Variants in ELP3 observed in about 807,000 individuals in gnomAD.
ELP3 encodes the protein elongator complex protein 3.
Under a neutral mutation model 74.9 loss-of-function variants are expected in ELP3, and 56 were observed. That is an observed-to-expected ratio of 0.75 (90% CI 0.60 to 0.93). The LOEUF is 0.93. ELP3 is among the 40% of genes least tolerant of loss of function. The pLI is 0.00. For missense variants in ELP3, 573 were observed against 686.5 expected, an observed-to-expected ratio of 0.83 and a Z score of 1.85; for synonymous variants, 222 against 239.8, an observed-to-expected ratio of 0.93 and a Z score of 0.68.
At chr8:28,097,688 A>G (rs1426662479) in intron 2 of ELP3, among the ~76,000 whole-genome samples, 1 of 151,898 alleles carries the variant, frequency 6.6e-6, no homozygotes, top group Non-Finnish European at 1.5e-5. Context: ...GAGTCACCGC[A>G]CCCGGCCGTC....
intron 10 of ELP3, among the ~76,000 whole-genome samples, chr8:28,150,878 G>A (rs961595449): frequency 5.3e-5 from 8 of 152,086 alleles, no homozygotes; most frequent in African/African-American, 1.9e-4. Flanking sequence ...TAGAGACAGG[G>A]TCTCACTCTT....
At chr8:28,141,165 G>A (rs147390025) in intron 10 of ELP3, among the ~76,000 whole-genome samples, 210 of 152,308 alleles carry the variant, frequency 1.4e-3, no homozygotes, top group African/African-American at 4.8e-3. Flanking sequence ...CAGAGTGAAA[G>A]AGAATAACCT....
chr8:28,122,953 G>A (rs765652438), intron 7 of ELP3, among the ~76,000 whole-genome samples: 6 of 152,236 alleles, frequency 3.9e-5, no homozygotes, highest in Admixed American at 2.0e-4. Context: ...GCAAAACCCC[G>A]TCTCTACTAA....
At position 28,105,246 on chromosome 8, in the gene ELP3, C is replaced by T. The variant is rs184128314; in HGVS notation, c.259-1467C>T. ...AAAAAAAAAAATACAAAAAATTAGC[C>T]AGGCATGGTGGCACATGCCTGTAAT... On this transcript the variant is annotated intron_variant, in intron 3 of 14. Transcript: ENST00000256398. Among the ~76,000 whole-genome samples the T allele has an allele frequency of 3.3e-3, 502 of 152,102 alleles. 1 individual carries two copies. The highest frequency in any genetic ancestry group is 4.1e-3 in the Non-Finnish European group (281 of 67,984).
rs182908622 is a variant in ELP3 at position 28,174,831 on chromosome 8, G to A, written c.1567+12753G>A. 3.0e-4 allele frequency among the ~76,000 whole-genome samples: 45 copies of A among 152,218 alleles called. 1 individual carries two copies. Among genetic ancestry groups the A allele is most frequent in the East Asian group, 2.5e-3 (13 of 5,180 alleles). Reference sequence around the variant, plus strand: ...CATTTCTTATAGGGCAGGTTTAGTAGTAATAAGCTTCTTTAGCTTTTCTTA... The same window carrying A: ...CATTTCTTATAGGGCAGGTTTAGTAATAATAAGCTTCTTTAGCTTTTCTTA... On this transcript the variant is annotated intron_variant, in intron 14 of 14. Transcript: ENST00000256398.
intron 13 of ELP3, 57 bp from the exon 14 acceptor site, chr8:28,161,940 C>G: frequency 6.4e-7 from 1 of 1,551,466 alleles, no homozygotes; most frequent in Non-Finnish European, 8.9e-7. Context: ...TTTATGGACC[C>G]CTCTTAATGA....
chr8:28,113,092 A>G lies in ELP3; in HGVS notation c.536A>G (p.Glu179Gly). ...GGTGGAACGTTTATGGCCCTTCCAG[A>G]AGAATACAGAGATTATTTTATTCGA... ...VMGGTFMALP[E>G]EYRDYFIRNL... The change falls in exon 7 of 15, where the codon GAA (glutamate) becomes GGA (glycine). Residue 179 changes from glutamate (E) to glycine (G), a missense_variant. Coordinates refer to ENST00000256398, the MANE Select transcript of ELP3 (RefSeq NM_018091.6). 1 of 1,613,964 alleles carries G rather than the reference A, an allele frequency of 6.2e-7. No individual in the cohort carries two copies. The highest frequency in any genetic ancestry group is 8.5e-7 in the Non-Finnish European group (1 of 1,179,914).
chr8:28,135,257 G>A (rs1011826860), intron 9 of ELP3, among the ~76,000 whole-genome samples: 15 of 152,204 alleles, frequency 9.9e-5, no homozygotes, highest in African/African-American at 3.6e-4. Flanking sequence ...TTTAAGAGTA[G>A]GGGTTTGAAA....
upstream of ELP3, chr8:28,090,411 T>C (rs150513963): frequency 8.3e-3 from 2,724 of 328,110 alleles, 29 homozygotes; most frequent in Non-Finnish European, 0.01. Context: ...CTGGTGAGTG[T>C]AGTGTCCAAG....
At chr8:28,110,492 A>G (rs1811875348) in intron 6 of ELP3, 54 bp downstream of exon 6, 3 of 1,393,082 alleles carry the variant, frequency 2.2e-6, no homozygotes, top group Non-Finnish European at 3.0e-6. Flanking sequence ...ACTTAGTAAG[A>G]AGCCATTGTT....
Position 28,163,562 on chromosome 8 carries a change from TA to T in ELP3, c.1567+1485del, listed in dbSNP as rs201517181. 3.8e-3 allele frequency among the ~76,000 whole-genome samples: 577 copies of T among 151,994 alleles called. 1 individual carries two copies. The highest frequency in any genetic ancestry group is 0.017 in the Middle Eastern group (5 of 292). ...TTTCACATGTCTAGCTTTATTTATT[TA>T]TTTTTTTTTCTGTTATCTTTCATCG... On this transcript the variant is annotated intron_variant, in intron 14 of 14. Transcript: ENST00000256398.
chr8:28,115,598 T>G (rs1157778302), intron 7 of ELP3, among the ~76,000 whole-genome samples: 1 of 152,200 alleles, frequency 6.6e-6, no homozygotes, highest in Non-Finnish European at 1.5e-5. Context: ...AGTTAGCCTT[T>G]GAGTTAAGTG....
rs1491099723 is a variant in ELP3, at chr8:28,108,026, CTG to C, written c.393+52_393+53del. 2.0e-6 allele frequency: 3 copies of C among 1,500,964 alleles called. No homozygotes were observed. In the East Asian group the frequency reaches 6.8e-5, roughly 34 times the overall value. The allele number at this position is 1,500,964 out of a possible 1,614,324, so 93.0% of individuals were successfully genotyped here. ...GATGAAATGTTGCATCATGCTTTAC[CTG>C]TAGTATGGTTTTACCAGTACTGGCT... On this transcript the variant is annotated intron_variant, in intron 5 of 14. Transcript: ENST00000256398.
At chr8:28,162,132 A>T in intron 14 of ELP3, 54 bp downstream of exon 14, 1 of 1,566,538 alleles carries the variant, frequency 6.4e-7, no homozygotes. Context: ...ACTTGGCACC[A>T]CAGTGAAAAC....
chr8:28,136,657 A>G lies in ELP3; in HGVS notation c.907-1041A>G, dbSNP rs147793631. 4.1e-4 allele frequency among the ~76,000 whole-genome samples: 62 copies of G among 152,366 alleles called. 2 individuals carry two copies. In the East Asian group the frequency reaches 0.01, roughly 25 times the overall value. On this transcript the variant is annotated intron_variant, in intron 9 of 14. Coordinates refer to ENST00000256398, the MANE Select transcript of ELP3 (RefSeq NM_018091.6). ...ATGAGAGATGGAAAAGTCTATTGTT[A>G]TATTTCTTTGTAAAGCAAGTTAAAC...
intron 7 of ELP3, among the ~76,000 whole-genome samples, chr8:28,115,440 G>A (rs1329626311): frequency 2.0e-5 from 3 of 152,172 alleles, no homozygotes; most frequent in Admixed American, 2.0e-4. Flanking sequence ...GCATAGAAAA[G>A]GTGGCAGAAT....
intron 14 of ELP3, chr8:28,183,219 G>A (rs1351266346): frequency 2.2e-6 from 1 of 462,588 alleles, no homozygotes; most frequent in African/African-American, 2.0e-5. Flanking sequence ...GGCAGAGGCA[G>A]AGGGGAGGCC....
chr8:28,155,927 T>TTC lies in ELP3; in HGVS notation c.1101-12_1101-11dup. 1 of 1,602,016 alleles carries TTC rather than the reference T, an allele frequency of 6.2e-7. No homozygotes were observed. Among genetic ancestry groups the TTC allele is most frequent in the Non-Finnish European group, 8.6e-7 (1 of 1,169,112 alleles). On this transcript the variant is annotated splice_polypyrimidine_tract_variant and intron_variant, in intron 10 of 14. Transcript: ENST00000256398. ...TTCTATTTTGCAACAGCTTATGTTTTTCTCCTGTGTACAGGGATATTCCAA... is the reference window on the plus strand; with the variant it reads ...TTCTATTTTGCAACAGCTTATGTTTTTCTCTCCTGTGTACAGGGATATTCCAA...
intron 7 of ELP3, among the ~76,000 whole-genome samples, chr8:28,115,918 T>C (rs552995598): frequency 3.9e-5 from 6 of 152,322 alleles, no homozygotes; most frequent in African/African-American, 1.4e-4. Flanking sequence ...GAGGGTTTCA[T>C]ATAGCTAATT....
Sources: gnomAD v4.1 joint callset for allele counts (sites outside exome capture counted in the v4.1 genomes callset) on GRCh38, gnomAD v4.1.1 for gene constraint, MANE v1.5 for transcripts, NCBI Gene and HGNC (gene_info 2026-07-23, HGNC 2026-07-21) for gene names.